Variants in SLC30A8 observed in about 807,000 individuals in gnomAD.
The protein encoded by SLC30A8 is solute carrier family 30 member 8.
A neutral mutation model predicts 36.9 loss-of-function variants in SLC30A8; 27 were observed. The ratio of observed to expected loss-of-function variants is 0.73; its 90% CI spans 0.54 to 1.01. The LOEUF is 1.01. Ranked by LOEUF, SLC30A8 falls within the 50% of genes least tolerant of loss-of-function variation. The probability of loss-of-function intolerance (pLI) is 0.00; values close to 1 mark genes in which losing one functional copy is unlikely to be tolerated. For missense variants in SLC30A8, 439 were observed against 452.0 expected (o/e 0.97, Z 0.26); for synonymous variants, 164 against 172.4 (o/e 0.95, Z 0.38).
chr8:117,046,437 A>G (rs1817554186), intron 2 of SLC30A8, among the ~76,000 whole-genome samples: 1 of 152,232 alleles, frequency 6.6e-6, no homozygotes, highest in South Asian at 2.1e-4. Flanking sequence ...CAGTACAAAT[A>G]TGGCAGATAG....
intron 1 of SLC30A8, among the ~76,000 whole-genome samples, chr8:117,029,661 C>G (rs1251481149): frequency 1.3e-5 from 2 of 152,164 alleles, no homozygotes; most frequent in Non-Finnish European, 2.9e-5. Flanking sequence ...GTCTCTCACA[C>G]AAACAGCTAA....
intron 1 of SLC30A8, among the ~76,000 whole-genome samples, chr8:116,980,198 T>C (rs551377589): frequency 2.1e-4 from 32 of 152,372 alleles, no homozygotes; most frequent in African/African-American, 7.7e-4. Flanking sequence ...ATGTGATTGA[T>C]GCATCACTTT....
chr8:116,965,273 A>G (rs746070537), intron 1 of SLC30A8, among the ~76,000 whole-genome samples: 19 of 152,196 alleles, frequency 1.2e-4, no homozygotes, highest in Non-Finnish European at 2.4e-4. Flanking sequence ...AAGCGAAGAA[A>G]GTGGGTCTCC....
At chr8:117,170,186 TCTC>T (rs556544976) in intron 6 of SLC30A8, among the ~76,000 whole-genome samples, 284 of 152,234 alleles carry the variant, frequency 1.9e-3, no homozygotes, top group Admixed American at 3.4e-3. Context: ...ATTTCTAAAA[TCTC>T]CTCTGGTAAT....
intron 2 of SLC30A8, among the ~76,000 whole-genome samples, chr8:117,056,996 G>C (rs1046430247): frequency 7.2e-5 from 11 of 152,144 alleles, no homozygotes; most frequent in Non-Finnish European, 1.2e-4. Flanking sequence ...CTTGTATAAT[G>C]AGGATAGCAC....
chr8:117,049,278 G>A (rs1464418578), intron 2 of SLC30A8, among the ~76,000 whole-genome samples: 1 of 152,080 alleles, frequency 6.6e-6, no homozygotes, highest in Admixed American at 6.6e-5. Context: ...TTGCCCACAT[G>A]CCAACCACTG....
intron 2 of SLC30A8, among the ~76,000 whole-genome samples, chr8:117,113,092 G>C (rs1039764046): frequency 2.0e-5 from 3 of 152,106 alleles, no homozygotes; most frequent in African/African-American, 7.2e-5. Context: ...CTCAAATTGT[G>C]GTGAGGGGAC....
At chr8:117,130,957 A>G (rs1332121610), upstream of SLC30A8, among the ~76,000 whole-genome samples, 4 of 152,016 alleles carry the variant, frequency 2.6e-5, no homozygotes, top group Non-Finnish European at 5.9e-5. Flanking sequence ...ATTTGCATCT[A>G]TGAGACTTAA....
upstream of SLC30A8, among the ~76,000 whole-genome samples, chr8:117,134,067 C>T (rs938691742): frequency 6.6e-6 from 1 of 151,926 alleles, no homozygotes; most frequent in African/African-American, 2.4e-5. Flanking sequence ...GGTGACTTCT[C>T]CTGTCACTGC....
chr8:116,974,705 A>G (rs1226637784), intron 1 of SLC30A8, among the ~76,000 whole-genome samples: 4 of 152,164 alleles, frequency 2.6e-5, no homozygotes, highest in African/African-American at 4.8e-5. Flanking sequence ...CCAAAGGATT[A>G]TAAATCATGC....
At chr8:117,064,544 A>G (rs1818111066) in intron 2 of SLC30A8, among the ~76,000 whole-genome samples, 2 of 152,230 alleles carry the variant, frequency 1.3e-5, no homozygotes, top group Admixed American at 6.5e-5. Context: ...CAACACCAGC[A>G]ATTGCTGAAG....
At chr8:117,021,701 G>A (rs1032981112) in intron 1 of SLC30A8, among the ~76,000 whole-genome samples, 2 of 152,038 alleles carry the variant, frequency 1.3e-5, no homozygotes, top group African/African-American at 4.8e-5. Context: ...AAAATCCAAG[G>A]GAATCTCAAG....
chr8:116,986,335 G>A (rs1230792995), intron 1 of SLC30A8, among the ~76,000 whole-genome samples: 1 of 152,114 alleles, frequency 6.6e-6, no homozygotes, highest in Non-Finnish European at 1.5e-5. Context: ...AGAGAACTGA[G>A]CAAACACCTC....
intron 2 of SLC30A8, among the ~76,000 whole-genome samples, chr8:117,052,315 C>T (rs1817736252): frequency 1.3e-5 from 2 of 152,182 alleles, no homozygotes; most frequent in Non-Finnish European, 2.9e-5. Flanking sequence ...CCAGCCAAGC[C>T]TTTATTCTTT....
intron 1 of SLC30A8, among the ~76,000 whole-genome samples, chr8:116,958,711 C>T (rs1586326368): frequency 6.6e-6 from 1 of 151,758 alleles, no homozygotes; most frequent in Admixed American, 6.6e-5. Flanking sequence ...TTATAGTTTT[C>T]GTTAAATTTG....
At chr8:117,139,266 A>G (rs1333263278) in intron 1 of SLC30A8, among the ~76,000 whole-genome samples, 4 of 152,058 alleles carry the variant, frequency 2.6e-5, no homozygotes, top group Non-Finnish European at 5.9e-5. Context: ...TAAGGAAGTA[A>G]TTAAGGTTAA....
At position 117,135,348 on chromosome 8, in the gene SLC30A8, G is replaced by A. The variant is rs752899666; in HGVS notation, c.21G>A (p.Thr7=). 28 of 1,598,746 alleles carry A rather than the reference G, an allele frequency of 1.8e-5. No individual in the cohort carries two copies. The Admixed American group carries it at 2.2e-4, about 13-fold the overall frequency. The change falls in exon 1 of 8, where the codon ACG becomes ACA. Residue 7 remains threonine (T), a synonymous_variant. Coordinates refer to ENST00000456015, the MANE Select transcript of SLC30A8 (RefSeq NM_173851.3). ...CCGTCATGGAGTTTCTTGAAAGAAC[G>A]TATCTTGTGAATGATAAAGCTGCCA... MEFLER[T]YLVNDKAAKM... is the part of the protein sequence containing the mutation.
At chr8:117,062,471 A>AG (rs1818048159) in intron 2 of SLC30A8, among the ~76,000 whole-genome samples, 1 of 152,108 alleles carries the variant, frequency 6.6e-6, no homozygotes. Context: ...GTGTTTTTTA[A>AG]ACGATCAGAT....
At chr8:117,164,812 A>G (rs1043495955) in intron 6 of SLC30A8, among the ~76,000 whole-genome samples, 1 of 152,068 alleles carries the variant, frequency 6.6e-6, no homozygotes, top group Non-Finnish European at 1.5e-5. Context: ...TAACCTCATC[A>G]TCTACAGCCC....
Sources: gnomAD v4.1 joint callset for allele counts (sites outside exome capture counted in the v4.1 genomes callset) on GRCh38, gnomAD v4.1.1 for gene constraint, MANE v1.5 for transcripts, NCBI Gene and HGNC (gene_info 2026-07-23, HGNC 2026-07-21) for gene names.